LMCD1: variants seen among roughly 807,000 people sequenced by gnomAD.
The protein encoded by LMCD1 is LIM and cysteine-rich domains protein 1.
Under a neutral mutation model 42.7 loss-of-function variants are expected in LMCD1, and 32 were observed. That is an observed-to-expected ratio of 0.75 (90% CI 0.57 to 1.01). The LOEUF (loss-of-function observed/expected upper bound fraction) is 1.01. Ranked by LOEUF, LMCD1 falls within the 50% of genes least tolerant of loss-of-function variation. The pLI, the probability that LMCD1 is intolerant of heterozygous loss-of-function variation, is 0.00. For missense variants in LMCD1, 458 were observed against 483.1 expected, an observed-to-expected ratio of 0.95 and a Z score of 0.49; for synonymous variants, 178 against 184.9, an observed-to-expected ratio of 0.96 and a Z score of 0.30.
intron 4 of LMCD1, among the ~76,000 whole-genome samples, chr3:8,556,547 T>G (rs1049267689): frequency 6.6e-6 from 1 of 152,158 alleles, no homozygotes; most frequent in African/African-American, 2.4e-5. Flanking sequence ...AATCCAGAAC[T>G]AGGATCCAGA....
chr3:8,519,792 G>C (rs1387463737), intron 1 of LMCD1, among the ~76,000 whole-genome samples: 4 of 151,440 alleles, frequency 2.6e-5, no homozygotes, highest in East Asian at 1.9e-4. Context: ...TAAGAAGGAT[G>C]CTTGTTTAAA....
intron 4 of LMCD1, chr3:8,550,029 T>G: frequency 1.3e-6 from 2 of 1,510,946 alleles, no homozygotes; most frequent in Non-Finnish European, 1.8e-6. Flanking sequence ...CCTGAGTGTT[T>G]GGAGGGGATG....
chr3:8,505,906 G>A (rs1693870423), intron 1 of LMCD1, among the ~76,000 whole-genome samples: 1 of 152,200 alleles, frequency 6.6e-6, no homozygotes, highest in African/African-American at 2.4e-5. Context: ...AATTGTCGTT[G>A]GCTCTCTCAA....
intron 3 of LMCD1, 99 bp downstream of exon 3, chr3:8,537,539 C>A: frequency 7.5e-7 from 1 of 1,340,678 alleles, no homozygotes; most frequent in South Asian, 1.6e-5. Context: ...GGCAAGAGCT[C>A]AAGGTCACAA....
At chr3:8,556,984 G>A (rs1493594) in intron 4 of LMCD1, among the ~76,000 whole-genome samples, 4 of 151,996 alleles carry the variant, frequency 2.6e-5, no homozygotes, top group Non-Finnish European at 1.5e-5. Context: ...AAGGCATTTC[G>A]TATGAGCCAG....
At chr3:8,564,314 G>A (rs1695091988) in intron 4 of LMCD1, among the ~76,000 whole-genome samples, 2 of 152,022 alleles carry the variant, frequency 1.3e-5, no homozygotes, top group South Asian at 4.2e-4. Flanking sequence ...ACCTAGGCTG[G>A]AATGCAGTGG....
rs1169463672 is a variant in LMCD1, at chr3:8,567,785, T to C, written c.*187T>C. The C allele has an allele frequency of 9.1e-6, 4 of 438,668 alleles. No homozygotes were observed. Among genetic ancestry groups the C allele is most frequent in the Admixed American group, 4.3e-5 (1 of 23,136 alleles). 27.2% of individuals were successfully genotyped at this position (438,668 alleles called of 1,614,324 possible). ...TTCTAGGTTGGGTGGTGGTAGATCC[T>C]TGAGGGTCAGTAGTTTCAAAACCAA... On this transcript the variant is annotated 3_prime_UTR_variant, in exon 6 of 6. Transcript: ENST00000157600.
At chr3:8,522,414 C>T (rs969245449) in intron 1 of LMCD1, among the ~76,000 whole-genome samples, 1 of 152,114 alleles carries the variant, frequency 6.6e-6, no homozygotes, top group East Asian at 1.9e-4. Context: ...AGGAATTGGC[C>T]GGCCTTTTCC....
intron 1 of LMCD1, among the ~76,000 whole-genome samples, chr3:8,526,746 T>C (rs1471605943): frequency 1.3e-5 from 2 of 152,190 alleles, no homozygotes; most frequent in Non-Finnish European, 2.9e-5. Flanking sequence ...ACCTCCCTTG[T>C]AGAGTTGTTG....
At chr3:8,556,406 G>A (rs773864493) in intron 4 of LMCD1, among the ~76,000 whole-genome samples, 3 of 150,840 alleles carry the variant, frequency 2.0e-5, no homozygotes, top group Admixed American at 1.3e-4. Flanking sequence ...TTTCAGGAGT[G>A]TGTGTGTGTA....
At chr3:8,563,541 T>G (rs571694199) in intron 4 of LMCD1, among the ~76,000 whole-genome samples, 53 of 152,340 alleles carry the variant, frequency 3.5e-4, no homozygotes, top group Non-Finnish European at 4.9e-4. Flanking sequence ...AGAACAGATA[T>G]AAATTAGATA....
chr3:8,537,836 T>A (rs1055594585), intron 3 of LMCD1, among the ~76,000 whole-genome samples: 1 of 152,204 alleles, frequency 6.6e-6, no homozygotes, highest in Admixed American at 6.5e-5. Context: ...TGCAAACCTG[T>A]AGGAGAGCAG....
intron 3 of LMCD1, among the ~76,000 whole-genome samples, chr3:8,541,175 C>A (rs1434927448): frequency 6.6e-6 from 1 of 152,178 alleles, no homozygotes; most frequent in Non-Finnish European, 1.5e-5. Flanking sequence ...TTTTTAGTTT[C>A]TTTCCTGATA....
rs1477992640 is a variant in LMCD1, at chr3:8,569,533, CT to C, written c.*1936del. On this transcript the variant is annotated 3_prime_UTR_variant, in exon 6 of 6. Coordinates refer to ENST00000157600, the MANE Select transcript of LMCD1 (RefSeq NM_014583.4). ...CCCCTACGCCCATAGATGTTACGGT[CT>C]GTGGGGGAGATGGGCCTCAAGCAAA... 1 of 152,170 alleles carries C rather than the reference CT, an allele frequency of 6.6e-6. No homozygotes were observed. Among genetic ancestry groups the C allele is most frequent in the Non-Finnish European group, 1.5e-5 (1 of 68,038 alleles). 9.4% of individuals were successfully genotyped at this position (152,170 alleles called of 1,614,324 possible).
At chr3:8,539,792 A>ATT (rs201628148) in intron 3 of LMCD1, among the ~76,000 whole-genome samples, 4 of 128,614 alleles carry the variant, frequency 3.1e-5, no homozygotes, top group Non-Finnish European at 4.9e-5. Context: ...CCTTCCCAAC[A>ATT]TTTTTATTAT....
In LMCD1 at chr3:8,568,334, T is replaced by A. The variant is rs576665239; in HGVS notation, c.*736T>A. The A allele has an allele frequency of 6.6e-6, 1 of 152,336 alleles. No homozygotes were observed. The highest frequency in any genetic ancestry group is 2.1e-4 in the South Asian group (1 of 4,830). The allele number at this position is 152,336 out of a possible 1,614,324, so 9.4% of individuals were successfully genotyped here. A position where few individuals can be genotyped will look rare whatever the true frequency, so the allele number is the denominator to read the frequency against. On this transcript the variant is annotated 3_prime_UTR_variant, in exon 6 of 6. Coordinates refer to ENST00000157600, the MANE Select transcript of LMCD1 (RefSeq NM_014583.4). ...GTAACAAAGGTATCATGTTTTATGG[T>A]ACACTGAAAAGTGGCCTGCTGGGAA...
In LMCD1 at chr3:8,565,667, T is replaced by TG. The variant is rs777548824; in HGVS notation, c.939+23dup. The stretch of plus-strand genomic sequence containing the variant: ...GATGAGGTGGGAGATAGCCGCGAGA[T>TG]GGGTTAGGGGGCTTGAGGGACACTG... On this transcript the variant is annotated intron_variant, in intron 5 of 5. Coordinates refer to ENST00000157600, the MANE Select transcript of LMCD1 (RefSeq NM_014583.4). 6.4e-7 allele frequency: 1 copy of TG among 1,567,676 alleles called. No individual in the cohort carries two copies. The highest frequency in any genetic ancestry group is 8.6e-7 in the Non-Finnish European group (1 of 1,156,082).
rs112024341 is a variant in LMCD1, at chr3:8,512,624, A to C, written c.42+10644A>C. Among the ~76,000 whole-genome samples, 8 of 152,368 alleles carry C rather than the reference A, an allele frequency of 5.3e-5. 1 individual carries two copies. The highest frequency in any genetic ancestry group is 1.9e-4 in the African/African-American group (8 of 41,590). ...TGGCCCATGGGGAAGATACAACCCT[A>C]TAATGAGATTCCCAGCTAATTAAAA... On this transcript the variant is annotated intron_variant, in intron 1 of 5. Coordinates refer to ENST00000157600, the MANE Select transcript of LMCD1 (RefSeq NM_014583.4).
intron 4 of LMCD1, among the ~76,000 whole-genome samples, chr3:8,556,215 T>C (rs767933292): frequency 1.1e-4 from 17 of 152,176 alleles, no homozygotes; most frequent in Non-Finnish European, 2.1e-4. Context: ...ATCATCCTCC[T>C]TTTTACAAAC....
Sources: allele counts gnomAD v4.1 joint callset (sites outside exome capture counted in the v4.1 genomes callset), GRCh38; gene constraint gnomAD v4.1.1; transcripts MANE v1.5; gene names NCBI Gene and HGNC (gene_info 2026-07-23, HGNC 2026-07-21).